TAS2R1: variants seen among roughly 807,000 people sequenced by gnomAD.
TAS2R1 encodes the protein taste receptor type 2 member 1.
For synonymous variants in TAS2R1, 141 were observed against 134.2 expected, an observed-to-expected ratio of 1.05 and a Z score of -0.35; for missense variants, 370 against 353.4, an observed-to-expected ratio of 1.05 and a Z score of -0.38.
chr5:9,692,584 G>A (rs1284795196), intron 1 of TAS2R1, among the ~76,000 whole-genome samples: 1 of 152,188 alleles, frequency 6.6e-6, no homozygotes, highest in Non-Finnish European at 1.5e-5. Context: ...AAGGACTCCT[G>A]AACAAAAGTG....
At chr5:9,835,409 T>A in the TAS2R1 span, among the ~76,000 whole-genome samples, 1 of 152,220 alleles carries the variant, frequency 6.6e-6, no homozygotes, top group African/African-American at 2.4e-5. Flanking sequence ...TTCACAGATA[T>A]CTGCTGGCAC....
intron 1 of TAS2R1, among the ~76,000 whole-genome samples, chr5:9,689,754 G>C (rs1741197758): frequency 6.6e-6 from 1 of 151,934 alleles, no homozygotes; most frequent in Non-Finnish European, 1.5e-5. Flanking sequence ...TTTTCTAGCT[G>C]TTATATATTA....
intron 1 of TAS2R1, among the ~76,000 whole-genome samples, chr5:9,708,874 T>C (rs1741675878): frequency 1.3e-5 from 2 of 152,148 alleles, no homozygotes; most frequent in Admixed American, 6.5e-5. Flanking sequence ...GCTCTGTCTG[T>C]TCCCCAACTC....
intron 2 of TAS2R1, among the ~76,000 whole-genome samples, chr5:9,638,500 C>T (rs1242849812): frequency 6.6e-6 from 1 of 152,190 alleles, no homozygotes; most frequent in Non-Finnish European, 1.5e-5. Flanking sequence ...TCTTCTCCTT[C>T]CTGGGGTCAG....
the TAS2R1 span, among the ~76,000 whole-genome samples, chr5:9,728,266 T>C: frequency 9.2e-5 from 14 of 152,324 alleles, no homozygotes; most frequent in African/African-American, 3.4e-4. Flanking sequence ...ATAACAACCA[T>C]ATTGCCTGCA....
chr5:9,800,483 G>A, the TAS2R1 span, among the ~76,000 whole-genome samples: 1 of 152,168 alleles, frequency 6.6e-6, no homozygotes, highest in Non-Finnish European at 1.5e-5. Context: ...TTAACACAGT[G>A]AAGAGCTAAG....
intron 1 of TAS2R1, among the ~76,000 whole-genome samples, chr5:9,674,215 GGTCCCCTATGTTCACTTGCCATTTA>G (rs1380795024): frequency 1.3e-5 from 2 of 152,058 alleles, no homozygotes; most frequent in African/African-American, 4.8e-5. Flanking sequence ...TGGAGAGTCA[GGTCCCCTATGTTCACTTGCCATTTA>G]GTCTTCAATA....
chr5:9,822,497 G>C, the TAS2R1 span, among the ~76,000 whole-genome samples: 12 of 151,856 alleles, frequency 7.9e-5, no homozygotes, highest in Non-Finnish European at 1.3e-4. Flanking sequence ...CTACAGGTGT[G>C]TGCCACCACG....
chr5:9,702,734 A>C (rs1741517424), intron 1 of TAS2R1, among the ~76,000 whole-genome samples: 1 of 152,116 alleles, frequency 6.6e-6, no homozygotes, highest in Non-Finnish European at 1.5e-5. Flanking sequence ...AAACCAGAAG[A>C]CATAAGGGCA....
chr5:9,701,221 G>GAC (rs34248017), intron 1 of TAS2R1, among the ~76,000 whole-genome samples: 6,172 of 135,654 alleles, frequency 0.045, 178 homozygotes, highest in Middle Eastern at 0.099. Flanking sequence ...CAGACACGCA[G>GAC]ACACACACAC....
At chr5:9,785,447 G>A in the TAS2R1 span, among the ~76,000 whole-genome samples, 1 of 152,170 alleles carries the variant, frequency 6.6e-6, no homozygotes, top group Admixed American at 6.5e-5. Context: ...TGCAGTGTGG[G>A]CATTAGCCAA....
chr5:9,727,308 T>C, the TAS2R1 span, among the ~76,000 whole-genome samples: 3 of 152,218 alleles, frequency 2.0e-5, no homozygotes, highest in African/African-American at 7.2e-5. Context: ...AAGTGATCAT[T>C]GAATAAACAG....
At chr5:9,754,148 A>G in the TAS2R1 span, among the ~76,000 whole-genome samples, 1 of 152,220 alleles carries the variant, frequency 6.6e-6, no homozygotes, top group Non-Finnish European at 1.5e-5. Flanking sequence ...CAGAACCAAA[A>G]ACAAAAACCA....
At chr5:9,773,332 C>T in the TAS2R1 span, among the ~76,000 whole-genome samples, 1 of 151,518 alleles carries the variant, frequency 6.6e-6, no homozygotes, top group East Asian at 1.9e-4. Context: ...CTCTTTTTAA[C>T]TTTTTTTTTG....
chr5:9,693,429 G>A (rs544832241), intron 1 of TAS2R1, among the ~76,000 whole-genome samples: 2 of 149,488 alleles, frequency 1.3e-5, no homozygotes, highest in Non-Finnish European at 3.0e-5. Context: ...GAAGCTGAGG[G>A]AGGAGAATCG....
At chr5:9,883,632 T>C in the TAS2R1 span, among the ~76,000 whole-genome samples, 3 of 152,166 alleles carry the variant, frequency 2.0e-5, no homozygotes, top group African/African-American at 4.8e-5. Context: ...GCTATTGATA[T>C]GTAACAAGCT....
the TAS2R1 span, among the ~76,000 whole-genome samples, chr5:9,901,764 G>T: frequency 1.3e-5 from 2 of 152,160 alleles, no homozygotes; most frequent in Admixed American, 6.5e-5. Flanking sequence ...CTGGAAGTCA[G>T]ATTGTTCTAT....
the TAS2R1 span, among the ~76,000 whole-genome samples, chr5:9,735,097 G>A: frequency 1.1e-4 from 17 of 151,334 alleles, 2 homozygotes; most frequent in African/African-American, 3.9e-4. Flanking sequence ...AGGAGAGAGC[G>A]AGCAAGGGGG....
the TAS2R1 span, chr5:9,889,871 G>A: frequency 6.6e-6 from 1 of 152,252 alleles, no homozygotes; most frequent in African/African-American, 2.4e-5. Context: ...TGACATTTGT[G>A]ATGATATGCA....
Sources: allele counts gnomAD v4.1 joint callset (sites outside exome capture counted in the v4.1 genomes callset), GRCh38; gene constraint gnomAD v4.1.1; transcripts MANE v1.5; gene names NCBI Gene and HGNC (gene_info 2026-07-23, HGNC 2026-07-21).